ARFGEF3: variants seen among roughly 807,000 people sequenced by gnomAD.
ARFGEF3 encodes the protein ARFGEF family member 3, also known as brefeldin A-inhibited guanine nucleotide-exchange protein 3.
A neutral mutation model predicts 221.7 loss-of-function variants in ARFGEF3; 96 were observed. The observed-to-expected ratio is 0.43, with a 90% CI of 0.37 to 0.51. The LOEUF (loss-of-function observed/expected upper bound fraction) is 0.51, where lower values mean the gene tolerates loss of function less well. ARFGEF3 is among the 20% of genes least tolerant of loss of function. The pLI is 0.00. For synonymous variants in ARFGEF3, 1,145 were observed against 1,126.8 expected (o/e 1.02, Z -0.32); for missense variants, 2,410 against 2,789.9 (o/e 0.86, Z 3.07).
chr6:138,191,198 A>G (rs376274080), intron 2 of ARFGEF3, among the ~76,000 whole-genome samples: 79 of 152,232 alleles, frequency 5.2e-4, no homozygotes, highest in African/African-American at 1.9e-3. Flanking sequence ...CAGTAGAGTT[A>G]GGTTTCTAGT....
At chr6:138,241,473 CCTTT>C (rs1330762459) in intron 6 of ARFGEF3, among the ~76,000 whole-genome samples, 1 of 152,204 alleles carries the variant, frequency 6.6e-6, no homozygotes. Context: ...CTTCCCCCTT[CCTTT>C]AAGGAAATGT....
At chr6:138,202,009 G>C (rs2114485494) in intron 2 of ARFGEF3, among the ~76,000 whole-genome samples, 1 of 152,328 alleles carries the variant, frequency 6.6e-6, no homozygotes. Context: ...GACATGACCA[G>C]ATGCAGCATC....
At chr6:138,321,689 A>C (rs533045182) in intron 29 of ARFGEF3, among the ~76,000 whole-genome samples, 1 of 152,352 alleles carries the variant, frequency 6.6e-6, no homozygotes, top group East Asian at 1.9e-4. Context: ...CTTCAAACTA[A>C]AAATAGAGGT....
intron 14 of ARFGEF3, among the ~76,000 whole-genome samples, chr6:138,285,475 A>G (rs915405552): frequency 8.6e-5 from 13 of 151,652 alleles, no homozygotes; most frequent in African/African-American, 1.7e-4. Flanking sequence ...AAAAAAAATT[A>G]TAAGGTATTA....
intron 4 of ARFGEF3, among the ~76,000 whole-genome samples, chr6:138,213,698 T>A (rs745651354): frequency 1.3e-5 from 2 of 151,108 alleles, no homozygotes; most frequent in Non-Finnish European, 3.0e-5. Context: ...AAGGGAGGGG[T>A]GATGGGGAGA....
At chr6:138,264,058 T>C (rs1230599861) in intron 12 of ARFGEF3, among the ~76,000 whole-genome samples, 3 of 152,228 alleles carry the variant, frequency 2.0e-5, no homozygotes, top group Non-Finnish European at 4.4e-5. Flanking sequence ...CCCAATATAT[T>C]CTGAATTCTA....
intron 21 of ARFGEF3, 106 bp downstream of exon 21, chr6:138,297,061 T>C (rs1019642907): frequency 3.3e-5 from 43 of 1,296,498 alleles, no homozygotes; most frequent in Non-Finnish European, 4.4e-5. Flanking sequence ...CTGTGGCCAT[T>C]GGGCAGTGGG....
intron 32 of ARFGEF3, among the ~76,000 whole-genome samples, chr6:138,329,706 A>G (rs1226403101): frequency 1.3e-5 from 2 of 152,180 alleles, no homozygotes; most frequent in Non-Finnish European, 1.5e-5. Flanking sequence ...TTGGTTGAAC[A>G]TAAGGCCTCT....
At chr6:138,326,896 G>A (rs1780135948) in intron 31 of ARFGEF3, among the ~76,000 whole-genome samples, 1 of 152,326 alleles carries the variant, frequency 6.6e-6, no homozygotes, top group South Asian at 2.1e-4. Flanking sequence ...TAAAGAAAAT[G>A]TGGTGCACGG....
rs1321599622 is a variant in ARFGEF3 at position 138,343,455 on chromosome 6, G to GTTT, written c.*6970_*6971insTTT. On this transcript the variant is annotated 3_prime_UTR_variant, in exon 34 of 34. Transcript: ENST00000251691. ...TTTGCCTCTGTGGATGGAAATAAGG[G>GTTT]TGTTTTTTTTTGGTTTTTTTTTTAC... 161 of 134,298 alleles carry GTTT rather than the reference G, an allele frequency of 1.2e-3. 1 individual carries two copies. The highest frequency in any genetic ancestry group is 5.6e-3 in the African/African-American group (148 of 26,206). 8.3% of individuals were successfully genotyped at this position (134,298 alleles called of 1,614,324 possible).
At chr6:138,270,350 G>A (rs1778980240) in intron 12 of ARFGEF3, among the ~76,000 whole-genome samples, 1 of 151,546 alleles carries the variant, frequency 6.6e-6, no homozygotes, top group East Asian at 1.9e-4. Context: ...AGACAGAAAA[G>A]GGGAGAATGA....
chr6:138,319,087 G>A (rs1420831919), intron 27 of ARFGEF3, among the ~76,000 whole-genome samples: 2 of 151,400 alleles, frequency 1.3e-5, no homozygotes, highest in Admixed American at 6.6e-5. Context: ...CCAAGTTGCC[G>A]AGGCTACCAG....
At chr6:138,255,251 G>A (rs911160674) in intron 9 of ARFGEF3, among the ~76,000 whole-genome samples, 185 bp from the exon 10 acceptor site, 1 of 152,138 alleles carries the variant, frequency 6.6e-6, no homozygotes, top group Admixed American at 6.5e-5. Flanking sequence ...CTCAATTTAT[G>A]AGGAAAAGTA....
At chr6:138,332,138 T>G (rs1488959038) in intron 32 of ARFGEF3, among the ~76,000 whole-genome samples, 3 of 152,192 alleles carry the variant, frequency 2.0e-5, no homozygotes, top group African/African-American at 7.2e-5. Context: ...AGCGAAGGGT[T>G]TCATGCCTTC....
intron 13 of ARFGEF3, among the ~76,000 whole-genome samples, chr6:138,278,829 C>G (rs887097535): frequency 1.1e-4 from 16 of 152,180 alleles, no homozygotes; most frequent in African/African-American, 3.9e-4. Flanking sequence ...GAGCACAGAG[C>G]TGCCCACTGG....
rs1312039792 is a variant in ARFGEF3 at position 138,253,807 on chromosome 6, T to C, written c.666-73T>C. On this transcript the variant is annotated intron_variant, in intron 8 of 33. Transcript: ENST00000251691. ...GTAACGCCTACCATTTTTCCGAGCGTGTTTCCACACATCACCTCTTTAATT... is the reference window on the plus strand; with the variant it reads ...GTAACGCCTACCATTTTTCCGAGCGCGTTTCCACACATCACCTCTTTAATT... The C allele has an allele frequency of 2.5e-6, 3 of 1,201,152 alleles. No homozygotes were observed. The African/African-American group carries it at 4.5e-5, about 18-fold the overall frequency. 74.4% of individuals were successfully genotyped at this position (1,201,152 alleles called of 1,614,324 possible). A position where few individuals can be genotyped will look rare whatever the true frequency, so the allele number is the denominator to read the frequency against.
At chr6:138,220,561 T>G (rs1777966698) in intron 4 of ARFGEF3, among the ~76,000 whole-genome samples, 1 of 152,208 alleles carries the variant, frequency 6.6e-6, no homozygotes, top group African/African-American at 2.4e-5. Flanking sequence ...AAATGCATCC[T>G]GCATTCTACT....
chr6:138,328,276 T>G, intron 32 of ARFGEF3, 134 bp downstream of exon 32: 5 of 1,126,698 alleles, frequency 4.4e-6, no homozygotes, highest in East Asian at 2.7e-5. Flanking sequence ...GCAAAGGTTT[T>G]CATAAAAACT....
intron 26 of ARFGEF3, among the ~76,000 whole-genome samples, chr6:138,315,665 C>T (rs1421548456): frequency 6.6e-6 from 1 of 152,106 alleles, no homozygotes; most frequent in Non-Finnish European, 1.5e-5. Flanking sequence ...GCCTGGCCAA[C>T]ATGGTGAAAC....
Sources: allele counts gnomAD v4.1 joint callset (sites outside exome capture counted in the v4.1 genomes callset), GRCh38; gene constraint gnomAD v4.1.1; transcripts MANE v1.5; gene names NCBI Gene and HGNC (gene_info 2026-07-23, HGNC 2026-07-21).